Variants in LCLAT1 observed in about 807,000 individuals in gnomAD.
LCLAT1 encodes lysocardiolipin acyltransferase 1.
A neutral mutation model predicts 30.7 loss-of-function variants in LCLAT1; 11 were observed. The ratio of observed to expected loss-of-function variants is 0.36; its 90% confidence interval spans 0.23 to 0.59. The LOEUF is 0.59. Ranked by LOEUF, LCLAT1 falls within the 20% of genes least tolerant of loss-of-function variation. LCLAT1 has a pLI of 0.77. For missense variants in LCLAT1, 402 were observed against 458.6 expected (o/e 0.88, Z 1.13); for synonymous variants, 155 against 151.3 (o/e 1.02, Z -0.18).
intron 3 of LCLAT1, among the ~76,000 whole-genome samples, chr2:30,547,490 C>T (rs1664480698): frequency 6.6e-6 from 1 of 152,120 alleles, no homozygotes; most frequent in Non-Finnish European, 1.5e-5. Context: ...CTTTCTCAGC[C>T]TCCTGTCAGC....
At chr2:30,547,178 T>G (rs949249841) in intron 3 of LCLAT1, among the ~76,000 whole-genome samples, 3 of 152,154 alleles carry the variant, frequency 2.0e-5, no homozygotes, top group African/African-American at 7.2e-5. Context: ...TGTTTGAAGC[T>G]CCACCTGTGA....
At chr2:30,569,713 ACC>A (rs1167767168) in intron 5 of LCLAT1, among the ~76,000 whole-genome samples, 6 of 152,226 alleles carry the variant, frequency 3.9e-5, no homozygotes, top group Non-Finnish European at 5.9e-5. Flanking sequence ...ATAACCAAGT[ACC>A]CATGATTTAA....
At chr2:30,615,383 T>A (rs562841811) in intron 5 of LCLAT1, among the ~76,000 whole-genome samples, 63 of 152,258 alleles carry the variant, frequency 4.1e-4, no homozygotes, top group South Asian at 1.7e-3. Flanking sequence ...TTTGATTGAT[T>A]TTCTCAGTGA....
At chr2:30,501,678 A>G (rs1684399335) in intron 1 of LCLAT1, among the ~76,000 whole-genome samples, 1 of 152,164 alleles carries the variant, frequency 6.6e-6, no homozygotes, top group Admixed American at 6.5e-5. Flanking sequence ...CTGTCTCAAG[A>G]AAAGAAAAAA....
intron 1 of LCLAT1, among the ~76,000 whole-genome samples, chr2:30,503,247 T>G (rs1684484734): frequency 6.6e-6 from 1 of 152,186 alleles, no homozygotes; most frequent in Non-Finnish European, 1.5e-5. Flanking sequence ...GCCTGCCTGT[T>G]TTTTCACTTC....
chr2:30,515,232 A>G (rs1395429605), intron 1 of LCLAT1, among the ~76,000 whole-genome samples: 2 of 152,138 alleles, frequency 1.3e-5, no homozygotes, highest in Non-Finnish European at 2.9e-5. Context: ...CATCTTGTCT[A>G]CTTTGATCTA....
At chr2:30,546,910 A>T (rs568149385) in intron 3 of LCLAT1, among the ~76,000 whole-genome samples, 1 of 151,974 alleles carries the variant, frequency 6.6e-6, no homozygotes, top group Non-Finnish European at 1.5e-5. Flanking sequence ...CAAGAATAAG[A>T]TGAATGGATT....
intron 5 of LCLAT1, among the ~76,000 whole-genome samples, chr2:30,617,653 A>ATTGT (rs745963070): frequency 2.0e-5 from 3 of 152,110 alleles, no homozygotes; most frequent in South Asian, 4.1e-4. Context: ...AAAACCTGAT[A>ATTGT]TTGTTAGCCT....
intron 3 of LCLAT1, chr2:30,552,432 A>C (rs1178521226): frequency 5.4e-6 from 2 of 373,336 alleles, no homozygotes; most frequent in Non-Finnish European, 1.1e-5. Flanking sequence ...AGTTTGTTAG[A>C]GTATTATGTA....
chr2:30,519,692 T>C (rs1207821904), intron 1 of LCLAT1, among the ~76,000 whole-genome samples: 5 of 152,160 alleles, frequency 3.3e-5, no homozygotes, highest in Non-Finnish European at 5.9e-5. Context: ...GTCAATCATC[T>C]ATCACCTGAG....
intron 5 of LCLAT1, among the ~76,000 whole-genome samples, chr2:30,622,139 A>G (rs1668287740): frequency 1.3e-5 from 2 of 152,114 alleles, no homozygotes; most frequent in South Asian, 4.1e-4. Context: ...GAGGCCTGTC[A>G]CTGTTCCCTG....
intron 2 of LCLAT1, 90 bp from the exon 3 acceptor site, chr2:30,533,026 A>G: frequency 1.1e-6 from 1 of 929,528 alleles, no homozygotes; most frequent in Admixed American, 1.9e-5. Flanking sequence ...TACATGTTAG[A>G]AATCATAAGA....
intron 1 of LCLAT1, among the ~76,000 whole-genome samples, chr2:30,451,250 T>C (rs2148252859): frequency 6.6e-6 from 1 of 152,286 alleles, no homozygotes; most frequent in East Asian, 1.9e-4. Flanking sequence ...ACTGGATCTC[T>C]TACATATTGT....
At chr2:30,577,955 T>C (rs1411748289) in intron 5 of LCLAT1, among the ~76,000 whole-genome samples, 1 of 152,160 alleles carries the variant, frequency 6.6e-6, no homozygotes, top group East Asian at 1.9e-4. Context: ...TATAACATTT[T>C]TAAATAATCT....
intron 1 of LCLAT1, among the ~76,000 whole-genome samples, chr2:30,481,592 C>T (rs1197094239): frequency 6.6e-6 from 1 of 152,248 alleles, no homozygotes; most frequent in East Asian, 1.9e-4. Context: ...GTGTGGAATG[C>T]TGCCAAGAGG....
intron 1 of LCLAT1, among the ~76,000 whole-genome samples, chr2:30,500,998 C>T (rs866829690): frequency 2.0e-5 from 3 of 151,964 alleles, no homozygotes; most frequent in Non-Finnish European, 4.4e-5. Flanking sequence ...CATGATTGCC[C>T]GACCCAACCA....
chr2:30,635,586 ACT>A (rs1668983810), intron 5 of LCLAT1, among the ~76,000 whole-genome samples: 2 of 152,352 alleles, frequency 1.3e-5, no homozygotes, highest in South Asian at 4.1e-4. Context: ...TTTTAAAAAA[ACT>A]TTTGGAATAT....
intron 5 of LCLAT1, among the ~76,000 whole-genome samples, chr2:30,620,582 G>A (rs1175400125): frequency 1.3e-5 from 2 of 152,100 alleles, no homozygotes; most frequent in African/African-American, 4.8e-5. Flanking sequence ...TAATAGTTGG[G>A]TGATCATGCT....
chr2:30,496,290 A>G (rs1012007154), intron 1 of LCLAT1, among the ~76,000 whole-genome samples: 2 of 152,344 alleles, frequency 1.3e-5, no homozygotes, highest in Non-Finnish European at 1.5e-5. Flanking sequence ...GACCCAAACC[A>G]TATCTGAATC....
Sources: gnomAD v4.1 joint callset for allele counts (sites outside exome capture counted in the v4.1 genomes callset) on GRCh38, gnomAD v4.1.1 for gene constraint, MANE v1.5 for transcripts, NCBI Gene and HGNC (gene_info 2026-07-23, HGNC 2026-07-21) for gene names.